Variants in SPATA6L observed in about 807,000 individuals in gnomAD.
SPATA6L encodes spermatogenesis associated 6-like protein.
In SPATA6L, 68 loss-of-function variants were observed where a neutral mutation model predicts 49.2. That is an observed-to-expected ratio of 1.38 (90% CI 1.14 to 1.69). SPATA6L has a LOEUF of 1.69. Among genes scored for constraint, SPATA6L ranks in the 40% most tolerant of loss-of-function variants. The pLI, the probability that SPATA6L is intolerant of heterozygous loss-of-function variation, is 0.00. For synonymous variants in SPATA6L, 198 were observed against 165.7 expected, an observed-to-expected ratio of 1.19 and a Z score of -1.50; for missense variants, 668 against 464.3, an observed-to-expected ratio of 1.44 and a Z score of -4.03.
At chr9:4,633,080 G>C (rs921147348) in intron 4 of SPATA6L, 1 of 156,026 alleles carries the variant, frequency 6.4e-6, no homozygotes, top group Non-Finnish European at 1.4e-5. Flanking sequence ...ATTAATTGAA[G>C]TGGATGATGA....
downstream of SPATA6L, among the ~76,000 whole-genome samples, chr9:4,594,952 G>A (rs1461460770): frequency 6.6e-6 from 1 of 152,052 alleles, no homozygotes; most frequent in East Asian, 1.9e-4. Flanking sequence ...AATTCTAAGT[G>A]TTCCCTATTC....
At chr9:4,631,925 A>G (rs1228068029) in intron 4 of SPATA6L, among the ~76,000 whole-genome samples, 1 of 152,254 alleles carries the variant, frequency 6.6e-6, no homozygotes, top group Admixed American at 6.5e-5. Context: ...TAAAGTGGGG[A>G]AAGAATAGCT....
At chr9:4,641,291 G>A (rs1399416362) in intron 3 of SPATA6L, among the ~76,000 whole-genome samples, 1 of 152,094 alleles carries the variant, frequency 6.6e-6, no homozygotes, top group African/African-American at 2.4e-5. Flanking sequence ...CAGGAGGTTG[G>A]TTTCAGGAAC....
At position 4,599,343 on chromosome 9, in the gene SPATA6L, T is replaced by G. The variant is rs1822698709; in HGVS notation, c.*1468A>C. On this transcript the variant is annotated 3_prime_UTR_variant, in exon 12 of 12. Coordinates refer to ENST00000682582, the MANE Select transcript of SPATA6L (RefSeq NM_001353486.2). ...TTCTAAGAAGAGGATAAATGAATTT[T>G]GTTTTGTTGTTTTTGTTTTTGGAGT... Among the ~76,000 whole-genome samples the G allele has an allele frequency of 6.6e-6, 1 of 152,222 alleles. No homozygotes were observed. Among genetic ancestry groups the G allele is most frequent in the African/African-American group, 2.4e-5 (1 of 41,464 alleles).
chr9:4,597,596 G>T (rs146394225), downstream of SPATA6L, among the ~76,000 whole-genome samples: 1,185 of 152,274 alleles, frequency 7.8e-3, 14 homozygotes, highest in African/African-American at 0.026. Context: ...TCTTTCCTTT[G>T]ATAAACAAAG....
intron 2 of SPATA6L, among the ~76,000 whole-genome samples, chr9:4,657,648 G>T (rs1030420562): frequency 6.6e-6 from 1 of 152,178 alleles, no homozygotes; most frequent in Non-Finnish European, 1.5e-5. Flanking sequence ...GAGGTTCAGA[G>T]ACCTCCGCTG....
intron 1 of SPATA6L, chr9:4,663,547 G>T (rs1477642260): frequency 3.9e-5 from 15 of 380,684 alleles, no homozygotes; most frequent in South Asian, 3.7e-4. Context: ...AACAAGCTGA[G>T]GTGGTTATAC....
At chr9:4,666,126 G>T in intron 1 of SPATA6L, 86 bp downstream of exon 1, 4 of 1,145,908 alleles carry the variant, frequency 3.5e-6, no homozygotes, top group Non-Finnish European at 5.3e-6. Flanking sequence ...GTAAGTGGGG[G>T]ATGTGGGGGA....
rs757628006 is a variant in SPATA6L at position 4,605,396 on chromosome 9, C to T, written c.1040G>A (p.Arg347Lys). The T allele has an allele frequency of 1.1e-5, 17 of 1,614,042 alleles. No homozygotes were observed. Among genetic ancestry groups the T allele is most frequent in the Middle Eastern group, 3.3e-4 (2 of 6,084 alleles). ...GTGGGATGTCAGAAGACTGCATACCCTCTCATGGATATTCTTCCATGTGGA... is the reference window on the plus strand; with the variant it reads ...GTGGGATGTCAGAAGACTGCATACCTTCTCATGGATATTCTTCCATGTGGA... ...SQSTWKNIHE[R>K]VCSLLTSHRA... is the part of the protein sequence containing the mutation. Residue 347 changes from arginine (R) to lysine (K), a missense_variant, in exon 10 of 12, where the codon AGG (arginine) becomes AAG (lysine). Transcript: ENST00000682582.
At chr9:4,605,009 G>A (rs760475510) in intron 10 of SPATA6L, among the ~76,000 whole-genome samples, 17 of 152,158 alleles carry the variant, frequency 1.1e-4, no homozygotes, top group Non-Finnish European at 2.1e-4. Context: ...CATGTGTGCA[G>A]GGGAAAGGAA....
intron 9 of SPATA6L, among the ~76,000 whole-genome samples, chr9:4,609,632 G>C (rs1587004446): frequency 6.6e-6 from 1 of 151,632 alleles, no homozygotes; most frequent in East Asian, 1.9e-4. Flanking sequence ...ATTAGGTATT[G>C]ATGGGACGTA....
downstream of SPATA6L, among the ~76,000 whole-genome samples, chr9:4,598,128 G>C (rs1822455550): frequency 6.6e-6 from 1 of 152,128 alleles, no homozygotes; most frequent in South Asian, 2.1e-4. Context: ...GGTGACCACA[G>C]AGAACTGGCC....
chr9:4,664,906 C>CT (rs1364817543), intron 1 of SPATA6L: 2 of 167,126 alleles, frequency 1.2e-5, no homozygotes, highest in Non-Finnish European at 2.9e-5. Flanking sequence ...AGCAGCTAAA[C>CT]TGTGAAGCTC....
At chr9:4,622,060 G>A (rs1226794047) in intron 7 of SPATA6L, among the ~76,000 whole-genome samples, 6 of 152,114 alleles carry the variant, frequency 3.9e-5, no homozygotes, top group African/African-American at 1.2e-4. Context: ...CCAGAAAAAC[G>A]GAAAGCCTTA....
At chr9:4,657,004 G>A (rs917553829) in intron 2 of SPATA6L, among the ~76,000 whole-genome samples, 15 of 152,176 alleles carry the variant, frequency 9.9e-5, no homozygotes, top group Non-Finnish European at 2.1e-4. Flanking sequence ...AGTGTATCGT[G>A]AAGCACAAGA....
rs1448841324 is a variant in SPATA6L, at chr9:4,600,434, T to C, written c.*377A>G. 6.6e-6 allele frequency: 1 copy of C among 150,404 alleles called. No homozygotes were observed. Among genetic ancestry groups the C allele is most frequent in the Non-Finnish European group, 1.5e-5 (1 of 67,538 alleles). 9.3% of individuals were successfully genotyped at this position (150,404 alleles called of 1,614,324 possible). A position where few individuals can be genotyped will look rare whatever the true frequency, so the allele number is the denominator to read the frequency against. On this transcript the variant is annotated 3_prime_UTR_variant, in exon 12 of 12. Coordinates refer to ENST00000682582, the MANE Select transcript of SPATA6L (RefSeq NM_001353486.2). ...TCAGGTTATTCCTGTGAATAGCAAC[T>C]TCCTCTAGCTCATATATAATTAATT...
At chr9:4,614,973 A>G (rs1055413316) in intron 9 of SPATA6L, among the ~76,000 whole-genome samples, 4 of 152,140 alleles carry the variant, frequency 2.6e-5, no homozygotes, top group African/African-American at 9.7e-5. Flanking sequence ...GCAAAGCCCA[A>G]GCTCCTTAGG....
chr9:4,660,158 A>C (rs1839270816), intron 2 of SPATA6L, among the ~76,000 whole-genome samples: 1 of 152,254 alleles, frequency 6.6e-6, no homozygotes. Context: ...AGCAATGGCA[A>C]CAAAAGCCAA....
At chr9:4,604,669 G>C (rs1272127554) in intron 10 of SPATA6L, among the ~76,000 whole-genome samples, 1 of 152,190 alleles carries the variant, frequency 6.6e-6, no homozygotes, top group Non-Finnish European at 1.5e-5. Flanking sequence ...ACAACATTTA[G>C]TTTTAAGTGT....
Sources: gnomAD v4.1 joint callset for allele counts (sites outside exome capture counted in the v4.1 genomes callset) on GRCh38, gnomAD v4.1.1 for gene constraint, MANE v1.5 for transcripts, NCBI Gene and HGNC (gene_info 2026-07-23, HGNC 2026-07-21) for gene names.